GAK: variants seen among roughly 807,000 people sequenced by gnomAD.
GAK encodes cyclin G associated kinase, also known as cyclin-G-associated kinase.
Under a neutral mutation model 143.9 loss-of-function variants are expected in GAK, and 79 were observed. The observed-to-expected ratio is 0.55, with a 90% CI of 0.46 to 0.66. GAK has a LOEUF of 0.66. Ranked by LOEUF, GAK falls within the 30% of genes least tolerant of loss-of-function variation. The probability of loss-of-function intolerance (pLI) is 0.00; values close to 1 mark genes in which losing one functional copy is unlikely to be tolerated. For missense variants in GAK, 1,693 were observed against 1,779.7 expected (o/e 0.95, Z 0.88); for synonymous variants, 881 against 765.5 (o/e 1.15, Z -2.49).
At chr4:876,944 GGGCAGTCGCCACATGAGAGCCCAC>G in intron 17 of GAK, 122 bp downstream of exon 17, 1 of 624,558 alleles carries the variant, frequency 1.6e-6, no homozygotes, top group Admixed American at 2.9e-5. Context: ...GGGCGCTGTG[GGGCAGTCGCCACATGAGAGCCCAC>G]GGCACTCACC....
intron 24 of GAK, among the ~76,000 whole-genome samples, chr4:857,538 G>A (rs1187195828): frequency 6.6e-6 from 1 of 152,188 alleles, no homozygotes; most frequent in African/African-American, 2.4e-5. Flanking sequence ...GTTGTGGCAG[G>A]AACTGGTTTT....
intron 9 of GAK, among the ~76,000 whole-genome samples, chr4:892,762 G>A (rs1717923455): frequency 6.6e-6 from 1 of 152,212 alleles, no homozygotes; most frequent in Non-Finnish European, 1.5e-5. Context: ...GACCTGGCTT[G>A]GACACCAGAC....
chr4:927,876 G>A (rs1725092205), intron 1 of GAK, among the ~76,000 whole-genome samples: 1 of 152,328 alleles, frequency 6.6e-6, no homozygotes, highest in Non-Finnish European at 1.5e-5. Flanking sequence ...GTCCAGGAGA[G>A]GTACAAAGAA....
In GAK at chr4:915,110, C is replaced by T. The variant is rs550021261; in HGVS notation, c.146-1442G>A. On this transcript the variant is annotated intron_variant, in intron 1 of 27. Coordinates refer to ENST00000314167, the MANE Select transcript of GAK (RefSeq NM_005255.4). ...CACACACAGCCCCAGCGTACACGGC[C>T]CCCCGCACTCAGCCCCAGCGTGCAC... 3.3e-5 allele frequency among the ~76,000 whole-genome samples: 5 copies of T among 150,184 alleles called. No homozygotes were observed. In the South Asian group the frequency reaches 1.1e-3, roughly 32 times the overall value.
chr4:908,120 C>A (rs1337133942), intron 4 of GAK, among the ~76,000 whole-genome samples: 1 of 152,222 alleles, frequency 6.6e-6, no homozygotes, highest in Non-Finnish European at 1.5e-5. Context: ...CTCGCAAAGG[C>A]TTTCTGATCT....
At chr4:916,287 T>TCCTA (rs1723079587) in intron 1 of GAK, among the ~76,000 whole-genome samples, 1 of 152,094 alleles carries the variant, frequency 6.6e-6, no homozygotes. Context: ...TGAGACAGGG[T>TCCTA]CCTACTCTGT....
chr4:881,773 G>A (rs973601198), intron 15 of GAK, 134 bp downstream of exon 15: 11 of 1,132,726 alleles, frequency 9.7e-6, no homozygotes, highest in African/African-American at 7.8e-5. Flanking sequence ...CCATGGCTCC[G>A]CGAGGCCGGG....
At chr4:867,499 CG>C (rs1751427117) in intron 20 of GAK, 67 bp from the exon 21 acceptor site, 1 of 1,207,140 alleles carries the variant, frequency 8.3e-7, no homozygotes, top group Non-Finnish European at 1.2e-6. Flanking sequence ...CCCCACGGCG[CG>C]TCCCTTCAGG....
At chr4:921,461 A>G (rs1468821259) in intron 1 of GAK, among the ~76,000 whole-genome samples, 7 of 152,210 alleles carry the variant, frequency 4.6e-5, no homozygotes, top group Admixed American at 1.3e-4. Flanking sequence ...GTGCCAGACA[A>G]TGAGCTTCAT....
In GAK at chr4:913,593, A is replaced by G; in HGVS notation, c.207+14T>C. The G allele has an allele frequency of 1.2e-6, 2 of 1,605,608 alleles. No individual in the cohort carries two copies. Among genetic ancestry groups the G allele is most frequent in the Non-Finnish European group, 1.7e-6 (2 of 1,172,290 alleles). On this transcript the variant is annotated intron_variant, in intron 2 of 27. Coordinates refer to ENST00000314167, the MANE Select transcript of GAK (RefSeq NM_005255.4). ...ACGTCAGAAATCCAGAGAAGGCGTT[A>G]AATGGTTCATTACCTTTAATGCATA...
At chr4:880,071 G>A (rs752337856) in intron 15 of GAK, among the ~76,000 whole-genome samples, 3 of 147,562 alleles carry the variant, frequency 2.0e-5, no homozygotes, top group Non-Finnish European at 4.5e-5. Context: ...CCTGCATGAG[G>A]GTCCTCTTTC....
At chr4:911,040 T>A (rs1721962395) in intron 4 of GAK, among the ~76,000 whole-genome samples, 1 of 151,696 alleles carries the variant, frequency 6.6e-6, no homozygotes, top group South Asian at 2.1e-4. Context: ...CACAGACCAC[T>A]CTGCCCCTAG....
chr4:896,376 G>C, intron 7 of GAK, 84 bp downstream of exon 7: 2 of 968,604 alleles, frequency 2.1e-6, no homozygotes, highest in South Asian at 3.1e-5. Flanking sequence ...CCAGTTCCGA[G>C]TGGCAGGTGC....
At chr4:889,122 A>C in intron 10 of GAK, 152 bp from the exon 11 acceptor site, 1 of 1,004,874 alleles carries the variant, frequency 1.0e-6, no homozygotes, top group Non-Finnish European at 1.4e-6. Context: ...GGCTGGGCCC[A>C]GGCAGCAGGA....
At chr4:866,833 G>A (rs1751273794) in intron 21 of GAK, 123 bp downstream of exon 21, 1 of 768,414 alleles carries the variant, frequency 1.3e-6, no homozygotes, top group Non-Finnish European at 2.1e-6. Context: ...TCCTGGGGGA[G>A]GTGGGGGAAG....
intron 11 of GAK, chr4:887,700 CACAA>C (rs1356240585): frequency 3.3e-5 from 5 of 152,396 alleles, no homozygotes; most frequent in Admixed American, 3.3e-4. Flanking sequence ...CACGCGCACT[CACAA>C]GCACTCCTAC....
chr4:926,707 G>C (rs550163518), intron 1 of GAK, among the ~76,000 whole-genome samples: 1 of 152,258 alleles, frequency 6.6e-6, no homozygotes, highest in East Asian at 1.9e-4. Flanking sequence ...AAGTGAAGGC[G>C]GTTGGTACCA....
At chr4:866,787 G>A (rs1183992882) in intron 21 of GAK, among the ~76,000 whole-genome samples, 169 bp downstream of exon 21, 2 of 152,216 alleles carry the variant, frequency 1.3e-5, no homozygotes, top group East Asian at 3.8e-4. Flanking sequence ...GAGCTCAGGT[G>A]GGCAGCACAG....
chr4:870,969 C>G, intron 18 of GAK, 65 bp from the exon 19 acceptor site: 1 of 1,403,568 alleles, frequency 7.1e-7, no homozygotes, highest in Non-Finnish European at 9.7e-7. Context: ...CTTGGACATT[C>G]ACTAAAGAAA....
Sources: allele counts gnomAD v4.1 joint callset (sites outside exome capture counted in the v4.1 genomes callset), GRCh38; gene constraint gnomAD v4.1.1; transcripts MANE v1.5; gene names NCBI Gene and HGNC (gene_info 2026-07-23, HGNC 2026-07-21).